Variants in FCHSD2 observed in about 807,000 individuals in gnomAD.
FCHSD2 encodes FCH and double SH3 domains 2.
In FCHSD2, 38 loss-of-function variants were observed where a neutral mutation model predicts 108.1. The ratio of observed to expected loss-of-function variants is 0.35; its 90% CI spans 0.27 to 0.46. The LOEUF (loss-of-function observed/expected upper bound fraction) is 0.46. Among genes scored for constraint, FCHSD2 ranks in the 20% least tolerant of loss-of-function variants. The probability of loss-of-function intolerance (pLI) is 1.00; values close to 1 mark genes in which losing one functional copy is unlikely to be tolerated. For missense variants in FCHSD2, 751 were observed against 897.8 expected, an observed-to-expected ratio of 0.84 and a Z score of 2.09; for synonymous variants, 279 against 314.7, an observed-to-expected ratio of 0.89 and a Z score of 1.20.
intron 2 of FCHSD2, among the ~76,000 whole-genome samples, chr11:73,119,060 G>A (rs1456514320): frequency 6.6e-6 from 1 of 152,108 alleles, no homozygotes; most frequent in Non-Finnish European, 1.5e-5. Context: ...CTACCACTTT[G>A]GGAGGCCAAG....
At chr11:73,096,570 A>G (rs1860082769) in intron 2 of FCHSD2, among the ~76,000 whole-genome samples, 1 of 152,026 alleles carries the variant, frequency 6.6e-6, no homozygotes, top group Admixed American at 6.6e-5. Flanking sequence ...AGGACAGGAC[A>G]GGATGAAAGA....
intron 9 of FCHSD2, among the ~76,000 whole-genome samples, chr11:72,907,853 A>G (rs1187804599): frequency 2.0e-5 from 3 of 152,044 alleles, no homozygotes; most frequent in Non-Finnish European, 2.9e-5. Context: ...TTGGCCTCCC[A>G]AAGTGCTGGG....
chr11:73,101,166 C>T (rs540181666), intron 2 of FCHSD2, among the ~76,000 whole-genome samples: 55 of 152,214 alleles, frequency 3.6e-4, no homozygotes, highest in African/African-American at 1.3e-3. Context: ...GGTTTAGTTC[C>T]GACCTGAAGG....
intron 8 of FCHSD2, among the ~76,000 whole-genome samples, chr11:72,972,836 A>G (rs1302579974): frequency 6.6e-6 from 1 of 152,220 alleles, no homozygotes; most frequent in Non-Finnish European, 1.5e-5. Flanking sequence ...AGTGCCTATC[A>G]CCTAGTACAA....
intron 2 of FCHSD2, among the ~76,000 whole-genome samples, chr11:73,105,936 T>C (rs1044522943): frequency 6.6e-6 from 1 of 152,196 alleles, no homozygotes; most frequent in Non-Finnish European, 1.5e-5. Flanking sequence ...CTATAGAAGA[T>C]ACCTGGCAGA....
intron 2 of FCHSD2, among the ~76,000 whole-genome samples, chr11:73,097,615 C>CTTTTTTTTT (rs200159157): frequency 1.0e-5 from 1 of 95,312 alleles, no homozygotes; most frequent in Non-Finnish European, 2.3e-5. Flanking sequence ...GTGAGGTGTT[C>CTTTTTTTTT]TTTTTTTTTT....
chr11:72,957,992 G>C (rs1195054590), intron 8 of FCHSD2, among the ~76,000 whole-genome samples: 1 of 152,054 alleles, frequency 6.6e-6, no homozygotes, highest in Non-Finnish European at 1.5e-5. Context: ...TCTATTGAAT[G>C]ATAAATGTAT....
At chr11:72,848,773 T>G (rs1861212264) in intron 14 of FCHSD2, among the ~76,000 whole-genome samples, 1 of 152,222 alleles carries the variant, frequency 6.6e-6, no homozygotes, top group African/African-American at 2.4e-5. Context: ...TCTCTCTATT[T>G]AAGGAACTTA....
chr11:72,993,062 G>T (rs1857448995), intron 5 of FCHSD2, among the ~76,000 whole-genome samples: 2 of 151,768 alleles, frequency 1.3e-5, no homozygotes, highest in Admixed American at 1.3e-4. Context: ...AAATTTACAA[G>T]AAAAAAACAA....
At chr11:72,867,243 C>T (rs1365311835) in intron 13 of FCHSD2, among the ~76,000 whole-genome samples, 1 of 152,074 alleles carries the variant, frequency 6.6e-6, no homozygotes, top group Non-Finnish European at 1.5e-5. Context: ...GGCAAATCAA[C>T]CGAATTTTTC....
At chr11:72,895,299 A>C (rs923379115) in intron 10 of FCHSD2, among the ~76,000 whole-genome samples, 1 of 152,208 alleles carries the variant, frequency 6.6e-6, no homozygotes, top group Non-Finnish European at 1.5e-5. Flanking sequence ...AGAACTCTGA[A>C]AGGAGCTATT....
intron 8 of FCHSD2, among the ~76,000 whole-genome samples, chr11:72,927,092 T>C (rs1276172155): frequency 6.6e-6 from 1 of 152,218 alleles, no homozygotes; most frequent in Non-Finnish European, 1.5e-5. Flanking sequence ...AACAAATGTA[T>C]TTCAGTCTTG....
intron 3 of FCHSD2, among the ~76,000 whole-genome samples, chr11:73,042,408 T>C (rs1334795285): frequency 6.6e-6 from 1 of 152,194 alleles, no homozygotes; most frequent in East Asian, 1.9e-4. Context: ...ATCCATCCCA[T>C]TGTTCTATGT....
chr11:72,839,480 A>G (rs1211437400), intron 19 of FCHSD2, among the ~76,000 whole-genome samples: 1 of 152,204 alleles, frequency 6.6e-6, no homozygotes, highest in Non-Finnish European at 1.5e-5. Context: ...AATCCTCTGA[A>G]TGAGAGTTGA....
chr11:72,940,478 T>G (rs1240398730), intron 8 of FCHSD2: 1 of 696,856 alleles, frequency 1.4e-6, no homozygotes, highest in African/African-American at 1.8e-5. Context: ...TGTCTGGCAG[T>G]AGCCATCAGG....
At chr11:73,106,008 G>A (rs1860333325) in intron 2 of FCHSD2, among the ~76,000 whole-genome samples, 1 of 152,166 alleles carries the variant, frequency 6.6e-6, no homozygotes. Flanking sequence ...AGGATTTCCA[G>A]AATTATTCAG....
chr11:72,862,682 A>AT (rs547203557), intron 13 of FCHSD2, among the ~76,000 whole-genome samples: 8 of 152,354 alleles, frequency 5.3e-5, no homozygotes, highest in Admixed American at 5.2e-4. Flanking sequence ...AGTCATCATA[A>AT]TCCTAATAAA....
chr11:73,064,471 C>A (rs1859242378), intron 3 of FCHSD2, among the ~76,000 whole-genome samples: 1 of 151,054 alleles, frequency 6.6e-6, no homozygotes, highest in Admixed American at 6.6e-5. Flanking sequence ...ACAAGAAAAA[C>A]CCTTCAAAAA....
chr11:73,139,954 G>C (rs1319857075), intron 2 of FCHSD2, 77 bp downstream of exon 2: 6 of 765,482 alleles, frequency 7.8e-6, no homozygotes, highest in Non-Finnish European at 1.2e-5. Context: ...TCCATCATCA[G>C]TTCCTGGGGC....
Sources: gnomAD v4.1 joint callset for allele counts (sites outside exome capture counted in the v4.1 genomes callset) on GRCh38, gnomAD v4.1.1 for gene constraint, MANE v1.5 for transcripts, NCBI Gene and HGNC (gene_info 2026-07-23, HGNC 2026-07-21) for gene names.